ABCA3: variants seen among roughly 807,000 people sequenced by gnomAD.
ABCA3 encodes ATP binding cassette subfamily A member 3.
Under a neutral mutation model 172.8 loss-of-function variants are expected in ABCA3, and 88 were observed. The ratio of observed to expected loss-of-function variants is 0.51; its 90% CI spans 0.43 to 0.61. The LOEUF (loss-of-function observed/expected upper bound fraction) is 0.61, where lower values mean the gene tolerates loss of function less well. Ranked by LOEUF, ABCA3 falls within the 20% of genes least tolerant of loss-of-function variation. The probability of loss-of-function intolerance (pLI) is 0.00; values close to 1 mark genes in which losing one functional copy is unlikely to be tolerated. For missense variants in ABCA3, 2,164 were observed against 2,301.0 expected (o/e 0.94, Z 1.22); for synonymous variants, 1,066 against 983.8 (o/e 1.08, Z -1.56).
chr16:2,289,754 T>C (rs758725141), intron 19 of ABCA3, 134 bp from the exon 20 acceptor site: 2 of 901,768 alleles, frequency 2.2e-6, no homozygotes, highest in South Asian at 1.6e-5. Context: ...CTTATGTGTT[T>C]CCTCACTCAT....
intron 12 of ABCA3, among the ~76,000 whole-genome samples, chr16:2,301,123 C>A (rs557526260): frequency 2.0e-5 from 3 of 150,766 alleles, no homozygotes; most frequent in Non-Finnish European, 4.4e-5. Flanking sequence ...CCCAGCTACT[C>A]GGGAGGCTGA....
intron 3 of ABCA3, among the ~76,000 whole-genome samples, chr16:2,327,699 A>C (rs2093736603): frequency 6.6e-6 from 1 of 152,118 alleles, no homozygotes. Flanking sequence ...TCGCAGCAAA[A>C]AGACTAGCCA....
rs2093693632 is a variant in ABCA3, at chr16:2,303,988, G to A, written c.1448C>T (p.Pro483Leu). Residue 483 changes from proline (P) to leucine (L), a missense_variant, in exon 12 of 33, where the codon CCC (proline) becomes CTC (leucine). By Grantham distance (98) the Pro-to-Leu change is moderately conservative. This residue lies in a region of ABCA3 where 1,343 missense variants were observed against 1,369.6 expected (regional missense o/e 0.98). Coordinates refer to ENST00000301732, the MANE Select transcript of ABCA3 (RefSeq NM_001089.3). ...VFPGQFGVPQ[P>L]WYFFIMPSYW... ...ACTCACCATGATGAAGAAGTACCAG[G>A]GCTGAGGCACGCCGAACTGCCCTGG... 6.2e-7 allele frequency: 1 copy of A among 1,614,102 alleles called. No homozygotes were observed. The highest frequency in any genetic ancestry group is 1.7e-5 in the Admixed American group (1 of 60,012).
intron 10 of ABCA3, among the ~76,000 whole-genome samples, chr16:2,311,449 G>C (rs1011906276): frequency 2.6e-5 from 4 of 152,194 alleles, no homozygotes; most frequent in African/African-American, 9.7e-5. Flanking sequence ...GGAAAGGTTA[G>C]TTGCCATGAA....
rs2093686863 is a variant in ABCA3 at position 2,300,239 on chromosome 16, G to T, written c.1468-91C>A. On this transcript the variant is annotated intron_variant, in intron 12 of 32. Coordinates refer to ENST00000301732, the MANE Select transcript of ABCA3 (RefSeq NM_001089.3). Reference sequence around the variant, plus strand: ...CACACTAGATGCACACAGCCATGCAGCCTCTGTCCCAGGACTTCGAGGCAC... The same window carrying T: ...CACACTAGATGCACACAGCCATGCATCCTCTGTCCCAGGACTTCGAGGCAC... 5.7e-6 allele frequency: 9 copies of T among 1,571,236 alleles called. No homozygotes were observed. In the East Asian group the frequency reaches 1.6e-4, roughly 27 times the overall value.
chr16:2,287,290 T>A lies in ABCA3; in HGVS notation c.3005-323A>T, dbSNP rs539774858. ...AACTATGACTACCAAGACTCTTTCT[T>A]TTTTTTTTTGAGACAGTCTTGCTCT... is the stretch of plus-strand genomic sequence containing the variant. On this transcript the variant is annotated intron_variant, in intron 21 of 32. Coordinates refer to ENST00000301732, the MANE Select transcript of ABCA3 (RefSeq NM_001089.3). The surrounding 1 kb of genome is among the most constrained non-coding windows in gnomAD (Gnocchi z 4.1). 3.3e-5 allele frequency among the ~76,000 whole-genome samples: 5 copies of A among 150,304 alleles called. No homozygotes were observed. Among genetic ancestry groups the A allele is most frequent in the African/African-American group, 9.7e-5 (4 of 41,166 alleles).
intron 10 of ABCA3, among the ~76,000 whole-genome samples, chr16:2,313,069 T>G (rs1236582838): frequency 2.6e-5 from 4 of 151,180 alleles, no homozygotes; most frequent in Admixed American, 1.3e-4. Flanking sequence ...CAAAAAAAAT[T>G]TAAAAAATAA....
chr16:2,312,894 A>G (rs1193296230), intron 10 of ABCA3, among the ~76,000 whole-genome samples: 1 of 151,598 alleles, frequency 6.6e-6, no homozygotes, highest in East Asian at 1.9e-4. Flanking sequence ...TACAAAAACT[A>G]CAAAAATTAG....
At chr16:2,323,500 C>A in intron 7 of ABCA3, 23 bp downstream of exon 7, 1 of 1,613,892 alleles carries the variant, frequency 6.2e-7, no homozygotes, top group Non-Finnish European at 8.5e-7. Flanking sequence ...GCTGGTAACA[C>A]GAACCCTAAC....
intron 3 of ABCA3, among the ~76,000 whole-genome samples, chr16:2,328,031 T>C (rs2093737113): frequency 6.6e-6 from 1 of 152,158 alleles, no homozygotes; most frequent in South Asian, 2.1e-4. Context: ...GCCATTTTCA[T>C]CTTTACCATC....
At chr16:2,334,071 T>C (rs1053878285) in intron 1 of ABCA3, among the ~76,000 whole-genome samples, 1 of 152,094 alleles carries the variant, frequency 6.6e-6, no homozygotes, top group African/African-American at 2.4e-5. Flanking sequence ...GGATGCTAAA[T>C]AAAGTATGGC....
rs201371486 is a variant in ABCA3 at position 2,285,433 on chromosome 16, G to A, written c.3483+9C>T. 3.1e-5 allele frequency: 50 copies of A among 1,603,172 alleles called. No individual in the cohort carries two copies. The highest frequency in any genetic ancestry group is 9.3e-5 in the African/African-American group (7 of 74,910). ...CAGGGGAACGGATCCAGCACCCTCCGGCGCTCACCAGCAGCAGCAGACTGG... is the reference window on the plus strand; with the variant it reads ...CAGGGGAACGGATCCAGCACCCTCCAGCGCTCACCAGCAGCAGCAGACTGG... On this transcript the variant is annotated intron_variant, in intron 23 of 32. Coordinates refer to ENST00000301732, the MANE Select transcript of ABCA3 (RefSeq NM_001089.3). This position sits in a 1 kb window ranked among gnomAD's most constrained non-coding sequence, Gnocchi z 4.7.
At chr16:2,289,710 T>G (rs2093668916) in intron 19 of ABCA3, 90 bp from the exon 20 acceptor site, 32 of 1,407,496 alleles carry the variant, frequency 2.3e-5, no homozygotes, top group South Asian at 1.4e-4. Context: ...AGGGGAGCAG[T>G]GTTGCCGCAG....
At position 2,297,043 on chromosome 16, in the gene ABCA3, C is replaced by T. The variant is rs1294973725; in HGVS notation, c.2263+286G>A. On this transcript the variant is annotated intron_variant, in intron 17 of 32. Coordinates refer to ENST00000301732, the MANE Select transcript of ABCA3 (RefSeq NM_001089.3). This position sits in a 1 kb window ranked among gnomAD's most constrained non-coding sequence, Gnocchi z 5.6. Reference sequence around the variant, plus strand: ...CTGCCATGTTGGTGCGTGTGTTGGCCTCTCCAAGGGCAGTGCTGCTCCTAG... The same window carrying T: ...CTGCCATGTTGGTGCGTGTGTTGGCTTCTCCAAGGGCAGTGCTGCTCCTAG... Among the ~76,000 whole-genome samples the T allele has an allele frequency of 6.6e-6, 1 of 152,220 alleles. No individual in the cohort carries two copies. Among genetic ancestry groups the T allele is most frequent in the African/African-American group, 2.4e-5 (1 of 41,460 alleles).
Position 2,297,795 on chromosome 16 carries a change from T to C in ABCA3, c.2023A>G (p.Ile675Val), listed in dbSNP as rs766293555. The C allele has an allele frequency of 5.6e-6, 9 of 1,613,152 alleles. No individual in the cohort carries two copies. In the Admixed American group the frequency reaches 8.3e-5, roughly 15 times the overall value. ...LSGGMRRKLSIGIALIAGSKV... is the reference protein window; with the variant it reads ...LSGGMRRKLSVGIALIAGSKV... ...GAGCCTGCGATGAGGGCGATGCCGA[T>C]GGAGAGCTTGCGCCTCATGCCCCCG... The change falls in exon 16 of 33, where the codon ATC becomes GTC. Residue 675 changes from isoleucine to valine, a missense_variant. Around this residue, in one of 3 missense-constraint regions of ABCA3, gnomAD observed 1,343 missense variants for 1,369.6 expected, o/e 0.98. Transcript: ENST00000301732. This position sits in a 1 kb window ranked among gnomAD's most constrained non-coding sequence, Gnocchi z 5.6.
At chr16:2,318,956 C>CT (rs537374336) in intron 8 of ABCA3, among the ~76,000 whole-genome samples, 84 of 147,466 alleles carry the variant, frequency 5.7e-4, no homozygotes, top group Middle Eastern at 3.5e-3. Flanking sequence ...TATGTGCACA[C>CT]TTTTTTTTTT....
chr16:2,327,349 G>A lies in ABCA3; in HGVS notation c.-26-857C>T, dbSNP rs907968904. Among the ~76,000 whole-genome samples, 4 of 152,244 alleles carry A rather than the reference G, an allele frequency of 2.6e-5. No individual in the cohort carries two copies. In the East Asian group the frequency reaches 5.8e-4, roughly 22 times the overall value. ...TAGTGCTATTTACCATTTGATAAATGCTATTAGGATGTTCTTGGTGGTTAA... is the reference window on the plus strand; with the variant it reads ...TAGTGCTATTTACCATTTGATAAATACTATTAGGATGTTCTTGGTGGTTAA... On this transcript the variant is annotated intron_variant, in intron 3 of 32. Coordinates refer to ENST00000301732, the MANE Select transcript of ABCA3 (RefSeq NM_001089.3).
At chr16:2,310,165 G>A (rs747362935) in intron 10 of ABCA3, among the ~76,000 whole-genome samples, 28 of 152,100 alleles carry the variant, frequency 1.8e-4, no homozygotes, top group Non-Finnish European at 3.5e-4. Flanking sequence ...CAGCACTTTG[G>A]GAGGCTGAGG....
At chr16:2,318,793 G>A (rs45537134) in intron 8 of ABCA3, among the ~76,000 whole-genome samples, 120 of 152,230 alleles carry the variant, frequency 7.9e-4, no homozygotes, top group African/African-American at 2.8e-3. Context: ...GATTACAGGT[G>A]TGAGCCAGTG....
Sources: allele counts gnomAD v4.1 joint callset (sites outside exome capture counted in the v4.1 genomes callset), GRCh38; gene constraint gnomAD v4.1.1; regional missense constraint gnomAD v4.1.1; non-coding constraint Gnocchi (gnomAD v3.1); transcripts MANE v1.5; gene names NCBI Gene and HGNC (gene_info 2026-07-23, HGNC 2026-07-21).